Variants in ARHGAP44 observed in about 807,000 individuals in gnomAD.
ARHGAP44 encodes the protein rho GTPase-activating protein 44.
In ARHGAP44, 43 loss-of-function variants were observed where a neutral mutation model predicts 106.8. The observed-to-expected ratio is 0.40, with a 90% confidence interval of 0.32 to 0.52. The LOEUF is 0.52. Ranked by LOEUF, ARHGAP44 falls within the 20% of genes least tolerant of loss-of-function variation. The probability of loss-of-function intolerance (pLI) is 0.48; values close to 1 mark genes in which losing one functional copy is unlikely to be tolerated. For synonymous variants in ARHGAP44, 439 were observed against 410.3 expected (o/e 1.07, Z -0.85); for missense variants, 866 against 1,050.5 (o/e 0.82, Z 2.43).
intron 1 of ARHGAP44, among the ~76,000 whole-genome samples, chr17:12,881,282 G>A (rs974130425): frequency 7.9e-5 from 12 of 151,822 alleles, no homozygotes; most frequent in Admixed American, 2.6e-4. Context: ...TCCCTTAGGC[G>A]TTTTAATATC....
At chr17:12,943,713 G>C (rs775962025) in intron 9 of ARHGAP44, 44 bp downstream of exon 9, 5 of 1,586,760 alleles carry the variant, frequency 3.2e-6, no homozygotes, top group Non-Finnish European at 4.3e-6. Flanking sequence ...CGGGGTGCCT[G>C]CTTGCCTTCC....
intron 1 of ARHGAP44, among the ~76,000 whole-genome samples, chr17:12,857,296 G>A (rs1046377914): frequency 6.6e-6 from 1 of 152,184 alleles, no homozygotes; most frequent in Non-Finnish European, 1.5e-5. Context: ...AGAATAAAGA[G>A]GGTAATTTAT....
chr17:12,988,322 C>T (rs964899676), intron 20 of ARHGAP44: 5 of 152,240 alleles, frequency 3.3e-5, no homozygotes, highest in African/African-American at 1.2e-4. Context: ...CAAGGTCATG[C>T]TCTTCCTGCC....
intron 3 of ARHGAP44, among the ~76,000 whole-genome samples, chr17:12,906,771 C>T (rs2037562411): frequency 6.6e-6 from 1 of 151,912 alleles, no homozygotes; most frequent in Non-Finnish European, 1.5e-5. Context: ...ACCATCTCTA[C>T]AAAAAATTTA....
intron 1 of ARHGAP44, among the ~76,000 whole-genome samples, chr17:12,829,589 G>T (rs2035027968): frequency 6.6e-6 from 1 of 152,066 alleles, no homozygotes; most frequent in African/African-American, 2.4e-5. Flanking sequence ...TTTGTTAGTG[G>T]TGATCATTTG....
chr17:12,931,869 C>T (rs1567694363), intron 7 of ARHGAP44, among the ~76,000 whole-genome samples: 1 of 150,688 alleles, frequency 6.6e-6, no homozygotes, highest in Non-Finnish European at 1.5e-5. Flanking sequence ...CACACACACA[C>T]ACACACACAC....
At chr17:12,989,414 G>C (rs2040053297) in intron 20 of ARHGAP44, among the ~76,000 whole-genome samples, 1 of 152,140 alleles carries the variant, frequency 6.6e-6, no homozygotes, top group Admixed American at 6.5e-5. Context: ...TGTTCATCTT[G>C]CCGGGAAAAA....
intron 20 of ARHGAP44, chr17:12,986,695 AAAAAAAAGAAT>A (rs1480811564): frequency 1.5e-4 from 23 of 150,356 alleles, no homozygotes; most frequent in Middle Eastern, 3.3e-3. Context: ...AAAAAAAAAA[AAAAAAAAGAAT>A]GAGCAGAAGA....
At chr17:12,939,024 T>G (rs554039224) in intron 7 of ARHGAP44, among the ~76,000 whole-genome samples, 1 of 152,342 alleles carries the variant, frequency 6.6e-6, no homozygotes, top group East Asian at 1.9e-4. Context: ...TTTGTATCAC[T>G]TAACTCTTTG....
chr17:12,904,116 CT>C (rs1482869921), intron 3 of ARHGAP44, among the ~76,000 whole-genome samples: 1 of 147,504 alleles, frequency 6.8e-6, no homozygotes, highest in Non-Finnish European at 1.5e-5. Flanking sequence ...TGTTTTTTTT[CT>C]TTTTAATTTG....
chr17:12,889,043 T>C (rs1321353154), intron 1 of ARHGAP44, among the ~76,000 whole-genome samples: 1 of 152,192 alleles, frequency 6.6e-6, no homozygotes, highest in African/African-American at 2.4e-5. Flanking sequence ...GTCTTTTAAT[T>C]GGTGTGTTTA....
chr17:12,945,384 C>T (rs1311589827), intron 10 of ARHGAP44, among the ~76,000 whole-genome samples: 2 of 152,156 alleles, frequency 1.3e-5, no homozygotes, highest in African/African-American at 4.8e-5. Flanking sequence ...TCTTTGGTTT[C>T]TTCCATAGAC....
intron 19 of ARHGAP44, among the ~76,000 whole-genome samples, chr17:12,983,810 G>GA (rs879307135): frequency 1.5e-4 from 23 of 148,806 alleles, no homozygotes; most frequent in East Asian, 7.8e-4. Context: ...GTCTCCAAAA[G>GA]AAAAAAAAAC....
At chr17:12,945,097 G>A (rs1220001085) in intron 10 of ARHGAP44, among the ~76,000 whole-genome samples, 5 of 151,688 alleles carry the variant, frequency 3.3e-5, no homozygotes, top group East Asian at 1.9e-4. Context: ...TGCAACCTCC[G>A]CCTCCTGGGT....
At chr17:12,932,741 A>C (rs957353691) in intron 7 of ARHGAP44, among the ~76,000 whole-genome samples, 2 of 150,562 alleles carry the variant, frequency 1.3e-5, no homozygotes, top group African/African-American at 4.9e-5. Context: ...ATAGTCAGTT[A>C]TGCCAGCATC....
chr17:12,837,213 T>G (rs1185344754), intron 1 of ARHGAP44, among the ~76,000 whole-genome samples: 1 of 152,168 alleles, frequency 6.6e-6, no homozygotes, highest in Non-Finnish European at 1.5e-5. Flanking sequence ...TGTTTTGAAC[T>G]GAATGAAAAT....
intron 1 of ARHGAP44, among the ~76,000 whole-genome samples, chr17:12,796,257 T>C (rs2033917457): frequency 6.6e-6 from 1 of 152,166 alleles, no homozygotes; most frequent in African/African-American, 2.4e-5. Flanking sequence ...TGATCCCATG[T>C]CAATAACTGT....
chr17:12,982,508 G>A (rs1034037388), intron 19 of ARHGAP44: 1 of 152,092 alleles, frequency 6.6e-6, no homozygotes, highest in African/African-American at 2.4e-5. Context: ...TCATCCAGGG[G>A]TACCCCTGCG....
chr17:12,991,028 A>C lies in ARHGAP44; in HGVS notation c.*857A>C, dbSNP rs114265431. 2.0e-5 allele frequency: 3 copies of C among 152,588 alleles called. No homozygotes were observed. The highest frequency in any genetic ancestry group is 4.4e-5 in the Non-Finnish European group (3 of 68,030). 9.5% of individuals were successfully genotyped at this position (152,588 alleles called of 1,614,324 possible). A position where few individuals can be genotyped will look rare whatever the true frequency, so the allele number is the denominator to read the frequency against. On this transcript the variant is annotated 3_prime_UTR_variant, in exon 21 of 21. Coordinates refer to ENST00000379672, the MANE Select transcript of ARHGAP44 (RefSeq NM_014859.6). ...CCTGTCTCTTCTTTCTGGAGGTTCA[A>C]ACTGAATAGCAATAATTACGTTACC...
Sources: gnomAD v4.1 joint callset for allele counts (sites outside exome capture counted in the v4.1 genomes callset) on GRCh38, gnomAD v4.1.1 for gene constraint, MANE v1.5 for transcripts, NCBI Gene and HGNC (gene_info 2026-07-23, HGNC 2026-07-21) for gene names.